The following WWOX variants were observed in gnomAD, a reference collection of about 807,000 sequenced individuals.
WWOX encodes WW domain-containing oxidoreductase.
A neutral mutation model predicts 46.2 loss-of-function variants in WWOX; 69 were observed. The ratio of observed to expected loss-of-function variants is 1.49; its 90% CI spans 1.23 to 1.82. WWOX has a LOEUF of 1.82. Among genes scored for constraint, WWOX ranks in the 40% most tolerant of loss-of-function variants. The pLI is 0.00. For synonymous variants in WWOX, 359 were observed against 202.6 expected, an observed-to-expected ratio of 1.77 and a Z score of -6.56; for missense variants, 919 against 542.6, an observed-to-expected ratio of 1.69 and a Z score of -6.89.
At chr16:78,856,854 T>A (rs926187523) in intron 8 of WWOX, among the ~76,000 whole-genome samples, 4 of 152,218 alleles carry the variant, frequency 2.6e-5, no homozygotes, top group Non-Finnish European at 5.9e-5. Context: ...TAGGCCATTT[T>A]GTCATTGTGC....
intron 5 of WWOX, among the ~76,000 whole-genome samples, chr16:78,280,222 G>T (rs556424146): frequency 6.6e-6 from 1 of 152,042 alleles, no homozygotes; most frequent in East Asian, 1.9e-4. Flanking sequence ...CTACTTTATC[G>T]TCCATTGCTG....
intron 8 of WWOX, among the ~76,000 whole-genome samples, chr16:78,689,368 A>G (rs1286159608): frequency 1.3e-5 from 2 of 152,144 alleles, no homozygotes; most frequent in African/African-American, 2.4e-5. Flanking sequence ...TCTTTAAGAA[A>G]CTCTGGCTGA....
At position 78,734,841 on chromosome 16, in the gene WWOX, C is replaced by CTTTTTT. The variant is rs60560119; in HGVS notation, c.1056+302126_1056+302131dup. 4.0e-3 allele frequency among the ~76,000 whole-genome samples: 159 copies of CTTTTTT among 40,126 alleles called. 49 individuals are homozygous for CTTTTTT. The highest frequency in any genetic ancestry group is 7.6e-3 in the East Asian group (9 of 1,192). 26.3% of individuals were successfully genotyped at this position (40,126 alleles called of 152,430 possible). A position where few individuals can be genotyped will look rare whatever the true frequency, so the allele number is the denominator to read the frequency against. The stretch of plus-strand genomic sequence containing the variant: ...GATGACTCAGGTGGGGACTTCAGTC[C>CTTTTTT]TTTTTTTTTTTTTTTTTTTTTTTTT... On this transcript the variant is annotated intron_variant, in intron 8 of 8. Coordinates refer to ENST00000566780, the MANE Select transcript of WWOX (RefSeq NM_016373.4).
At chr16:78,436,593 A>T (rs1424096810) in intron 8 of WWOX, among the ~76,000 whole-genome samples, 1 of 152,144 alleles carries the variant, frequency 6.6e-6, no homozygotes, top group Non-Finnish European at 1.5e-5. Flanking sequence ...GTTGATACAG[A>T]AGTTATTGAG....
chr16:78,847,029 G>T (rs2052316263), intron 8 of WWOX, among the ~76,000 whole-genome samples: 1 of 152,232 alleles, frequency 6.6e-6, no homozygotes. Context: ...GCAGGTTCCT[G>T]CACCCTTTTG....
At chr16:78,715,970 A>G (rs2048551650) in intron 8 of WWOX, among the ~76,000 whole-genome samples, 1 of 152,096 alleles carries the variant, frequency 6.6e-6, no homozygotes, top group South Asian at 2.1e-4. Context: ...GTCCACCACC[A>G]GAGGTATTAC....
At chr16:79,065,234 T>C (rs76321338) in intron 8 of WWOX, among the ~76,000 whole-genome samples, 2 of 152,150 alleles carry the variant, frequency 1.3e-5, no homozygotes, top group Non-Finnish European at 2.9e-5. Flanking sequence ...GCTGCACAGG[T>C]AAAACCCAGT....
chr16:79,047,320 C>T (rs2048083991), intron 8 of WWOX, among the ~76,000 whole-genome samples: 1 of 152,148 alleles, frequency 6.6e-6, no homozygotes, highest in East Asian at 1.9e-4. Context: ...CTTAGATTCC[C>T]TTGAGCCGCA....
intron 8 of WWOX, among the ~76,000 whole-genome samples, chr16:78,692,914 G>A (rs573032474): frequency 1.0e-3 from 154 of 152,266 alleles, no homozygotes; most frequent in South Asian, 9.1e-3. Context: ...AGAAGATATC[G>A]TTTGCATGGT....
At chr16:78,336,683 C>G (rs1047715769) in intron 5 of WWOX, among the ~76,000 whole-genome samples, 1 of 151,986 alleles carries the variant, frequency 6.6e-6, no homozygotes, top group Non-Finnish European at 1.5e-5. Context: ...GGAACATAGA[C>G]CCAGAGCTGC....
At chr16:78,802,298 T>C (rs62038641) in intron 8 of WWOX, among the ~76,000 whole-genome samples, 5,330 of 151,274 alleles carry the variant, frequency 0.035, 112 homozygotes, top group Non-Finnish European at 0.05. Flanking sequence ...GGGTGTTTCA[T>C]TTTCCCAGCA....
chr16:78,891,225 G>T (rs999863293), intron 8 of WWOX: 1 of 151,984 alleles, frequency 6.6e-6, no homozygotes, highest in Middle Eastern at 3.4e-3. Flanking sequence ...TCTGATATTT[G>T]AATAACAATA....
chr16:79,030,910 C>T (rs541379065), intron 8 of WWOX, among the ~76,000 whole-genome samples: 1 of 151,918 alleles, frequency 6.6e-6, no homozygotes, highest in Admixed American at 6.6e-5. Flanking sequence ...TAGTGAGACC[C>T]CTGTCTCTAC....
At chr16:78,795,817 A>G (rs1421128955) in intron 8 of WWOX, among the ~76,000 whole-genome samples, 1 of 152,178 alleles carries the variant, frequency 6.6e-6, no homozygotes, top group African/African-American at 2.4e-5. Context: ...ATTGAGTATA[A>G]AGTATCTAGT....
intron 8 of WWOX, among the ~76,000 whole-genome samples, chr16:78,554,372 C>G (rs2044240380): frequency 6.6e-6 from 1 of 152,140 alleles, no homozygotes; most frequent in African/African-American, 2.4e-5. Flanking sequence ...TCACCAAGGT[C>G]TGATCGTGAA....
At chr16:79,002,841 C>T (rs951468594) in intron 8 of WWOX, among the ~76,000 whole-genome samples, 1 of 152,208 alleles carries the variant, frequency 6.6e-6, no homozygotes, top group Non-Finnish European at 1.5e-5. Context: ...GTTATACTAC[C>T]TCTTCGAGAT....
chr16:78,941,647 G>C (rs965753463), intron 8 of WWOX, among the ~76,000 whole-genome samples: 1 of 152,088 alleles, frequency 6.6e-6, no homozygotes, highest in African/African-American at 2.4e-5. Context: ...TAGAGCATTT[G>C]TTATTCCTGC....
chr16:79,019,171 A>G (rs1295539626), intron 8 of WWOX, among the ~76,000 whole-genome samples: 1 of 54,666 alleles, frequency 1.8e-5, no homozygotes, highest in Non-Finnish European at 3.1e-5. Flanking sequence ...AAAAAAAAAA[A>G]AAAAAAAAAA....
intron 8 of WWOX, among the ~76,000 whole-genome samples, chr16:78,741,521 G>A (rs2049227914): frequency 6.6e-6 from 1 of 151,690 alleles, no homozygotes; most frequent in Non-Finnish European, 1.5e-5. Context: ...GATCACCACT[G>A]CACCCCAGCC....
Sources: gnomAD v4.1 joint callset for allele counts (sites outside exome capture counted in the v4.1 genomes callset) on GRCh38, gnomAD v4.1.1 for gene constraint, MANE v1.5 for transcripts, NCBI Gene and HGNC (gene_info 2026-07-23, HGNC 2026-07-21) for gene names.